The following KMT2C variants were observed in gnomAD, a reference collection of about 807,000 sequenced individuals.
The protein encoded by KMT2C is histone-lysine N-methyltransferase 2C.
Under a neutral mutation model 507.9 loss-of-function variants are expected in KMT2C, and 88 were observed. The ratio of observed to expected loss-of-function variants is 0.17; its 90% CI spans 0.15 to 0.21. The LOEUF (loss-of-function observed/expected upper bound fraction) is 0.21, where lower values mean the gene tolerates loss of function less well. KMT2C is among the 10% of genes least tolerant of loss of function. KMT2C has a pLI of 1.00. For missense variants in KMT2C, 4,954 were observed against 5,957.8 expected, an observed-to-expected ratio of 0.83 and a Z score of 5.55; for synonymous variants, 2,049 against 2,080.8, an observed-to-expected ratio of 0.98 and a Z score of 0.42.
At position 152,194,060 on chromosome 7, in the gene KMT2C, GAGTTGGCTGAGTGTTCGCAGGACTA is replaced by G; in HGVS notation, c.4584_4608del (p.Ser1529HisfsTer26). ...GTTGGTGGGGGAGGCTGTGGCAATGGAGTTGGCTGAGTGTTCGCAGGACTAAGTACAGCTGTAAATAAGTCTTCAA... is the reference window on the plus strand; with the variant it reads ...GTTGGTGGGGGAGGCTGTGGCAATGGAGTACAGCTGTAAATAAGTCTTCAA... On this transcript the variant is annotated frameshift_variant, in exon 31 of 59. Transcript: ENST00000262189. LOFTEE classifies it high-confidence loss of function. The G allele has an allele frequency of 6.3e-7, 1 of 1,593,274 alleles. No individual in the cohort carries two copies. Among genetic ancestry groups the G allele is most frequent in the Non-Finnish European group, 8.5e-7 (1 of 1,173,392 alleles).
intron 55 of KMT2C, among the ~76,000 whole-genome samples, chr7:152,142,151 C>T (rs571491671): frequency 6.5e-4 from 99 of 152,218 alleles, no homozygotes; most frequent in Non-Finnish European, 1.2e-3. Flanking sequence ...CTCTAGAATC[C>T]GTATATAATC....
At chr7:152,193,002 C>T (rs527520392) in intron 31 of KMT2C, among the ~76,000 whole-genome samples, 60 of 152,120 alleles carry the variant, frequency 3.9e-4, no homozygotes, top group African/African-American at 1.2e-3. Context: ...AGTGAGACCC[C>T]CACCTCTGCA....
At chr7:152,178,632 G>A (rs2093316545) in intron 37 of KMT2C, among the ~76,000 whole-genome samples, 1 of 152,102 alleles carries the variant, frequency 6.6e-6, no homozygotes, top group Admixed American at 6.5e-5. Flanking sequence ...AGCATAGCAA[G>A]AGGCATAAAT....
At chr7:152,170,564 G>A (rs769971783) in intron 40 of KMT2C, among the ~76,000 whole-genome samples, 8 of 152,152 alleles carry the variant, frequency 5.3e-5, no homozygotes, top group South Asian at 2.1e-4. Context: ...GTGCAGTGGC[G>A]TGATCTCGGC....
chr7:152,324,335 C>A (rs1021176762), intron 3 of KMT2C, among the ~76,000 whole-genome samples: 10 of 149,686 alleles, frequency 6.7e-5, no homozygotes, highest in African/African-American at 2.4e-4. Context: ...TTTCAAGTAA[C>A]AAATGAGAGT....
At chr7:152,228,272 G>C (rs2094996130) in intron 18 of KMT2C, among the ~76,000 whole-genome samples, 1 of 152,104 alleles carries the variant, frequency 6.6e-6, no homozygotes, top group South Asian at 2.1e-4. Flanking sequence ...AGAGTGTTAA[G>C]GTTCTAAAAC....
At chr7:152,406,982 A>T (rs77468871) in intron 1 of KMT2C, among the ~76,000 whole-genome samples, 3 of 152,262 alleles carry the variant, frequency 2.0e-5, no homozygotes, top group South Asian at 2.1e-4. Context: ...ATATTCTACT[A>T]CAGAAACTGA....
Position 152,311,868 on chromosome 7 carries a change from T to C in KMT2C, c.669A>G (p.Lys223=), listed in dbSNP as rs201105561. Reference sequence around the variant, plus strand: ...CAACCAGACTGAGTTCATCCCACAGTTTACCAGCTTGATCATCTGAAGCTG... The same window carrying C: ...CAACCAGACTGAGTTCATCCCACAGCTTACCAGCTTGATCATCTGAAGCTG... ...TQTASDDQAG[K]LWDELSLVGL... The change falls in exon 5 of 59, where the codon AAA becomes AAG. Residue 223 remains lysine (K), a synonymous_variant. Coordinates refer to ENST00000262189, the MANE Select transcript of KMT2C (RefSeq NM_170606.3). The C allele has an allele frequency of 6.2e-7, 1 of 1,611,794 alleles. No individual in the cohort carries two copies. The highest frequency in any genetic ancestry group is 1.7e-5 in the Admixed American group (1 of 59,958).
At chr7:152,386,196 A>G (rs1411418429) in intron 1 of KMT2C, among the ~76,000 whole-genome samples, 2 of 151,356 alleles carry the variant, frequency 1.3e-5, no homozygotes, top group Non-Finnish European at 2.9e-5. Context: ...TAGCTTCCTC[A>G]GCTGTTAAAA....
intron 2 of KMT2C, among the ~76,000 whole-genome samples, chr7:152,334,205 C>T (rs1036378364): frequency 3.9e-5 from 6 of 152,190 alleles, no homozygotes; most frequent in Admixed American, 3.9e-4. Context: ...CCTGTAATCC[C>T]AGCACTTTGG....
intron 23 of KMT2C, among the ~76,000 whole-genome samples, chr7:152,209,250 A>G (rs999883707): frequency 4.6e-5 from 7 of 151,804 alleles, no homozygotes; most frequent in African/African-American, 1.7e-4. Flanking sequence ...AGGTCAGGAG[A>G]TCGAGACCAT....
chr7:152,422,673 C>A (rs2097784614), intron 1 of KMT2C, among the ~76,000 whole-genome samples: 1 of 152,058 alleles, frequency 6.6e-6, no homozygotes, highest in Admixed American at 6.6e-5. Flanking sequence ...TATTTATTCC[C>A]ACCATCAGTA....
intron 6 of KMT2C, among the ~76,000 whole-genome samples, chr7:152,289,467 G>A (rs1042646989): frequency 1.2e-4 from 19 of 152,134 alleles, no homozygotes; most frequent in Admixed American, 1.0e-3. Flanking sequence ...TTTTCTTGAG[G>A]AAAGAATTTG....
At chr7:152,297,043 AAGAAAGAAAGACAGAGAG>A (rs1257272155) in intron 6 of KMT2C, among the ~76,000 whole-genome samples, 2 of 83,464 alleles carry the variant, frequency 2.4e-5, no homozygotes, top group East Asian at 6.1e-4. Context: ...GAAAGAAAGA[AAGAAAGAAAGACAGAGAG>A]AGAGAGAGAG....
rs1215359165 is a variant in KMT2C at position 152,153,978 on chromosome 7, G to A, written c.12276+32C>T. 4 of 1,608,164 alleles carry A rather than the reference G, an allele frequency of 2.5e-6. No homozygotes were observed. The African/African-American group carries it at 5.4e-5, about 22-fold the overall frequency. The stretch of plus-strand genomic sequence containing the variant: ...CATCTTTGAAAATTGGGGACATACT[G>A]TTTAACATTAAGAAGTCATTTAATC... On this transcript the variant is annotated intron_variant, in intron 48 of 58. Coordinates refer to ENST00000262189, the MANE Select transcript of KMT2C (RefSeq NM_170606.3).
At chr7:152,310,434 G>A (rs947988326) in intron 5 of KMT2C, among the ~76,000 whole-genome samples, 1 of 152,126 alleles carries the variant, frequency 6.6e-6, no homozygotes, top group Non-Finnish European at 1.5e-5. Context: ...GCGTGGTGGT[G>A]CACGCCTGTA....
At chr7:152,369,734 GAC>G (rs1163387537) in intron 1 of KMT2C, among the ~76,000 whole-genome samples, 1 of 151,620 alleles carries the variant, frequency 6.6e-6, no homozygotes, top group Non-Finnish European at 1.5e-5. Context: ...GCCATGTTAT[GAC>G]ACAGCACAAA....
At chr7:152,220,233 A>G (rs570710548) in intron 23 of KMT2C, 72 of 376,070 alleles carry the variant, frequency 1.9e-4, no homozygotes, top group Middle Eastern at 7.5e-4. Flanking sequence ...GTCGTTATCT[A>G]GCAAACTAAA....
At chr7:152,427,336 G>C (rs2097828747) in intron 1 of KMT2C, among the ~76,000 whole-genome samples, 1 of 152,110 alleles carries the variant, frequency 6.6e-6, no homozygotes, top group African/African-American at 2.4e-5. Flanking sequence ...TATTTATTAT[G>C]TATTCTTCCC....
Sources: allele counts gnomAD v4.1 joint callset (sites outside exome capture counted in the v4.1 genomes callset), GRCh38; gene constraint gnomAD v4.1.1; transcripts MANE v1.5; gene names NCBI Gene and HGNC (gene_info 2026-07-23, HGNC 2026-07-21).